Variants in CSMD1 observed in about 807,000 individuals in gnomAD.
CSMD1 encodes the protein CUB and Sushi multiple domains 1.
CSMD1 carries 213 observed loss-of-function variants against 417.5 expected under a neutral mutation model. The observed-to-expected ratio is 0.51, with a 90% CI of 0.46 to 0.57. The LOEUF is 0.57. Ranked by LOEUF, CSMD1 falls within the 20% of genes least tolerant of loss-of-function variation. The pLI, the probability that CSMD1 is intolerant of heterozygous loss-of-function variation, is 0.00. For synonymous variants in CSMD1, 2,862 were observed against 1,736.8 expected (o/e 1.65, Z -16.11); for missense variants, 6,923 against 4,529.7 (o/e 1.53, Z -15.17).
chr8:3,725,667 C>T (rs769147198), intron 6 of CSMD1, among the ~76,000 whole-genome samples: 75 of 151,776 alleles, frequency 4.9e-4, no homozygotes, highest in East Asian at 3.9e-4. Flanking sequence ...GTGGAGGACC[C>T]GGTCTCAGAT....
Position 4,732,344 on chromosome 8 carries a change from C to CGCGTGTGTGT in CSMD1, c.86-94787_86-94786insACACACACGC, listed in dbSNP as rs1554461217. On this transcript the variant is annotated intron_variant, in intron 1 of 69. Coordinates refer to ENST00000635120, the MANE Select transcript of CSMD1 (RefSeq NM_033225.6). ...AGTTAATAGATTTAAATTTCTTCTG[C>CGCGTGTGTGT]GTGTGTGTGTGTGTGTGTGTGTGTG... Among the ~76,000 whole-genome samples the CGCGTGTGTGT allele has an allele frequency of 5.7e-5, 8 of 141,142 alleles. No homozygotes were observed. In the East Asian group the frequency reaches 1.3e-3, roughly 23 times the overall value. 92.6% of individuals were successfully genotyped at this position (141,142 alleles called of 152,430 possible).
chr8:4,246,197 C>T (rs1469306549), intron 3 of CSMD1, among the ~76,000 whole-genome samples: 1 of 152,088 alleles, frequency 6.6e-6, no homozygotes, highest in South Asian at 2.1e-4. Context: ...CCAAAAGGCC[C>T]CAGTGTGTGT....
At chr8:3,668,956 G>C (rs1440319654) in intron 7 of CSMD1, among the ~76,000 whole-genome samples, 1 of 152,136 alleles carries the variant, frequency 6.6e-6, no homozygotes, top group Non-Finnish European at 1.5e-5. Context: ...AGGAAAGATG[G>C]GGAGAAATCA....
At chr8:3,769,529 T>G (rs1798462025) in intron 5 of CSMD1, among the ~76,000 whole-genome samples, 1 of 151,820 alleles carries the variant, frequency 6.6e-6, no homozygotes, top group Non-Finnish European at 1.5e-5. Flanking sequence ...ATCATTAAAA[T>G]TAGTGACAAA....
At chr8:3,851,901 G>T (rs566808893) in intron 5 of CSMD1, among the ~76,000 whole-genome samples, 7 of 152,258 alleles carry the variant, frequency 4.6e-5, no homozygotes, top group African/African-American at 1.4e-4. Flanking sequence ...AGAGATTCTG[G>T]CGGGGTAGAA....
At chr8:3,897,377 T>C (rs1243154086) in intron 5 of CSMD1, among the ~76,000 whole-genome samples, 2 of 152,210 alleles carry the variant, frequency 1.3e-5, no homozygotes, top group African/African-American at 2.4e-5. Flanking sequence ...TACATTTGAA[T>C]ACGTGTGGGC....
chr8:3,045,365 T>C (rs1011277086), intron 50 of CSMD1, among the ~76,000 whole-genome samples: 3 of 152,156 alleles, frequency 2.0e-5, no homozygotes, highest in African/African-American at 2.4e-5. Context: ...TTTAAAGCAA[T>C]TGTACATCTA....
At chr8:4,145,689 A>G (rs1439786117) in intron 3 of CSMD1, among the ~76,000 whole-genome samples, 3 of 150,938 alleles carry the variant, frequency 2.0e-5, no homozygotes, top group African/African-American at 7.4e-5. Flanking sequence ...ACACCTGGCC[A>G]CATTCCGCAT....
At chr8:3,529,946 C>G (rs1797909353) in intron 10 of CSMD1, among the ~76,000 whole-genome samples, 1 of 152,132 alleles carries the variant, frequency 6.6e-6, no homozygotes, top group South Asian at 2.1e-4. Flanking sequence ...AATATATACA[C>G]AATAAATTTG....
intron 2 of CSMD1, among the ~76,000 whole-genome samples, chr8:4,513,462 C>G (rs1802936890): frequency 6.6e-6 from 1 of 152,112 alleles, no homozygotes; most frequent in Admixed American, 6.6e-5. Context: ...GATCCCAATT[C>G]TTTCATACCC....
chr8:4,568,187 G>C (rs1249944464), intron 2 of CSMD1, among the ~76,000 whole-genome samples: 1 of 152,152 alleles, frequency 6.6e-6, no homozygotes, highest in African/African-American at 2.4e-5. Flanking sequence ...TGTGCAGAAA[G>C]TGCCAGTTTG....
rs377445816 is a variant in CSMD1 at position 3,020,009 on chromosome 8, G to A, written c.7856-1359C>T. On this transcript the variant is annotated intron_variant, in intron 51 of 69. Coordinates refer to ENST00000635120, the MANE Select transcript of CSMD1 (RefSeq NM_033225.6). ...GCTGCAGCCTGCAGTGGCAAACATC[G>A]AGTTCTTCCTTATTCACAGTAAACC... 5.3e-5 allele frequency among the ~76,000 whole-genome samples: 8 copies of A among 152,326 alleles called. 1 individual carries two copies. The highest frequency in any genetic ancestry group is 4.1e-4 in the South Asian group (2 of 4,830).
At chr8:4,488,598 C>T (rs1801535692) in intron 2 of CSMD1, among the ~76,000 whole-genome samples, 3 of 152,086 alleles carry the variant, frequency 2.0e-5, no homozygotes, top group Admixed American at 6.5e-5. Context: ...CTTTCAATTC[C>T]TGTGCTTTAA....
chr8:4,783,423 T>A (rs1797252664), intron 1 of CSMD1, among the ~76,000 whole-genome samples: 1 of 152,216 alleles, frequency 6.6e-6, no homozygotes, highest in South Asian at 2.1e-4. Context: ...TCACTCTCAA[T>A]TCAGTGCTTT....
chr8:3,315,426 T>G (rs1310699295), intron 23 of CSMD1, among the ~76,000 whole-genome samples: 1 of 102,460 alleles, frequency 9.8e-6, no homozygotes, highest in African/African-American at 3.6e-5. Flanking sequence ...AATGAAATTC[T>G]AGGTGAAGTG....
chr8:4,183,207 A>C (rs1319624424), intron 3 of CSMD1, among the ~76,000 whole-genome samples: 1 of 152,184 alleles, frequency 6.6e-6, no homozygotes, highest in East Asian at 1.9e-4. Flanking sequence ...AAATGGGTAT[A>C]CAGAGTTTGG....
chr8:4,554,261 T>G (rs1585241895), intron 2 of CSMD1, among the ~76,000 whole-genome samples: 1 of 152,088 alleles, frequency 6.6e-6, no homozygotes, highest in South Asian at 2.1e-4. Context: ...CTCAGCCTCC[T>G]GAGTAGCTGA....
intron 10 of CSMD1, among the ~76,000 whole-genome samples, chr8:3,501,987 TAC>T (rs1345572481): frequency 3.3e-5 from 5 of 152,154 alleles, no homozygotes; most frequent in Admixed American, 3.3e-4. Flanking sequence ...TGCAAAATGG[TAC>T]AGTCACTTTG....
intron 25 of CSMD1, among the ~76,000 whole-genome samples, chr8:3,297,271 A>G (rs1804039889): frequency 6.6e-6 from 1 of 152,232 alleles, no homozygotes; most frequent in Non-Finnish European, 1.5e-5. Context: ...TATTGATGTC[A>G]TGGGATATCA....
Sources: allele counts gnomAD v4.1 joint callset (sites outside exome capture counted in the v4.1 genomes callset), GRCh38; gene constraint gnomAD v4.1.1; transcripts MANE v1.5; gene names NCBI Gene and HGNC (gene_info 2026-07-23, HGNC 2026-07-21).